The following DPY19L3 variants were observed in gnomAD, a reference collection of about 807,000 sequenced individuals.
DPY19L3 encodes the protein protein C-mannosyl-transferase DPY19L3.
In DPY19L3, 51 loss-of-function variants were observed where a neutral mutation model predicts 92.3. The ratio of observed to expected loss-of-function variants is 0.55; its 90% CI spans 0.44 to 0.70. The LOEUF (loss-of-function observed/expected upper bound fraction) is 0.70, where lower values mean the gene tolerates loss of function less well. DPY19L3 is among the 30% of genes least tolerant of loss of function. DPY19L3 has a pLI of 0.00. For missense variants in DPY19L3, 706 were observed against 855.9 expected (o/e 0.82, Z 2.18); for synonymous variants, 309 against 315.2 (o/e 0.98, Z 0.21).
At chr19:32,412,399 G>A (rs1233025028) in intron 3 of DPY19L3, 1 of 150,404 alleles carries the variant, frequency 6.6e-6, no homozygotes, top group Non-Finnish European at 1.5e-5. Flanking sequence ...TGCACAAACT[G>A]GGTCACAGTA....
In DPY19L3 at chr19:32,417,098, A is replaced by G. The variant is rs139564755; in HGVS notation, c.237+5726A>G. ...TAGAAGTTCCAAGGATTTAGAGGCT[A>G]TCTCCCAGGAACTGGGGACAAAGAG... On this transcript the variant is annotated intron_variant, in intron 3 of 18. Coordinates refer to ENST00000392250, the MANE Select transcript of DPY19L3 (RefSeq NM_001172774.2). 2.5e-3 allele frequency among the ~76,000 whole-genome samples: 375 copies of G among 152,368 alleles called. 5 individuals carry two copies. In the East Asian group the frequency reaches 0.057, roughly 23 times the overall value.
chr19:32,415,651 C>T (rs1968354637), intron 3 of DPY19L3, among the ~76,000 whole-genome samples: 1 of 152,082 alleles, frequency 6.6e-6, no homozygotes, highest in Non-Finnish European at 1.5e-5. Context: ...TTGGGGAGAG[C>T]AAAACTAAAG....
rs745540591 is a variant in DPY19L3 at position 32,436,438 on chromosome 19, A to G, written c.329-8A>G. The G allele has an allele frequency of 3.4e-6, 5 of 1,481,520 alleles. No individual in the cohort carries two copies. The highest frequency in any genetic ancestry group is 4.6e-6 in the Non-Finnish European group (5 of 1,088,216). The allele number at this position is 1,481,520 out of a possible 1,614,324, so 91.8% of individuals were successfully genotyped here. ...TTATTTTCTTCCTGACTTTTCACAT[A>G]TCTATAGGTTTTCATGGCCTAATAT... On this transcript the variant is annotated splice_polypyrimidine_tract_variant and splice_region_variant and intron_variant, in intron 4 of 18. Coordinates refer to ENST00000392250, the MANE Select transcript of DPY19L3 (RefSeq NM_001172774.2).
At chr19:32,460,740 G>A (rs1023780477) in intron 12 of DPY19L3, among the ~76,000 whole-genome samples, 17 of 152,198 alleles carry the variant, frequency 1.1e-4, no homozygotes, top group African/African-American at 3.6e-4. Flanking sequence ...TATGTGGCAC[G>A]TGACTGTCTA....
chr19:32,462,889 C>T (rs901473532), intron 12 of DPY19L3, among the ~76,000 whole-genome samples: 2 of 152,074 alleles, frequency 1.3e-5, no homozygotes, highest in Admixed American at 6.6e-5. Flanking sequence ...TGGTAAAAGT[C>T]ATCTTTTGGA....
intron 3 of DPY19L3, among the ~76,000 whole-genome samples, chr19:32,413,371 C>T (rs1436705301): frequency 6.6e-6 from 1 of 152,034 alleles, no homozygotes; most frequent in Non-Finnish European, 1.5e-5. Flanking sequence ...ATTTTTAAAA[C>T]TTGCTGTGTT....
chr19:32,482,324 T>G lies in DPY19L3; in HGVS notation c.*84T>G, dbSNP rs1473571907. 2.7e-6 allele frequency: 4 copies of G among 1,496,450 alleles called. No individual in the cohort carries two copies. The East Asian group carries it at 6.8e-5, about 25-fold the overall frequency. The allele number at this position is 1,496,450 out of a possible 1,614,324, so 92.7% of individuals were successfully genotyped here. On this transcript the variant is annotated 3_prime_UTR_variant, in exon 19 of 19. Transcript: ENST00000392250. Reference sequence around the variant, plus strand: ...CAATAGATGACGTTTCCTATGTAAGTAGGTAGCCCAAACCTTCAAGCTGTG... The same window carrying G: ...CAATAGATGACGTTTCCTATGTAAGGAGGTAGCCCAAACCTTCAAGCTGTG...
Position 32,484,708 on chromosome 19 carries a change from G to A in DPY19L3, c.*2468G>A, listed in dbSNP as rs1289860230. 1 of 152,188 alleles carries A rather than the reference G, an allele frequency of 6.6e-6. No individual in the cohort carries two copies. Among genetic ancestry groups the A allele is most frequent in the Non-Finnish European group, 1.5e-5 (1 of 68,054 alleles). 9.4% of individuals were successfully genotyped at this position (152,188 alleles called of 1,614,324 possible). A position where few individuals can be genotyped will look rare whatever the true frequency, so the allele number is the denominator to read the frequency against. On this transcript the variant is annotated 3_prime_UTR_variant, in exon 19 of 19. Transcript: ENST00000392250. ...GCGCTCCGGCTCCCTCCCTGGAGTT[G>A]TGCACCCGTCCCAAACTCCTCCATG... is the stretch of plus-strand genomic sequence containing the variant.
intron 16 of DPY19L3, among the ~76,000 whole-genome samples, chr19:32,473,213 T>C (rs1276155070): frequency 6.6e-6 from 1 of 152,252 alleles, no homozygotes; most frequent in Non-Finnish European, 1.5e-5. Context: ...CTGTGAGTCC[T>C]TGTCATTATT....
chr19:32,438,948 AT>A (rs1386075429), intron 6 of DPY19L3, 163 bp from the exon 7 acceptor site: 2 of 473,794 alleles, frequency 4.2e-6, no homozygotes, highest in African/African-American at 4.9e-5. Context: ...TACAGGGATG[AT>A]GATGATGATG....
Position 32,458,440 on chromosome 19 carries a change from T to C in DPY19L3, c.1253T>C (p.Phe418Ser). Residue 418 changes from phenylalanine to serine, a missense_variant, in exon 12 of 19, where the codon TTT (phenylalanine) becomes TCT (serine). Coordinates refer to ENST00000392250, the MANE Select transcript of DPY19L3 (RefSeq NM_001172774.2). ...GGAAGGCTTTCAGATACTCTGCTTT[T>C]TTATGCTTACATATTCGTTCTGTCC... ...TFGRLSDTLL[F>S]YAYIFVLSIT... The C allele has an allele frequency of 1.2e-6, 2 of 1,613,952 alleles. No homozygotes were observed. The highest frequency in any genetic ancestry group is 1.7e-6 in the Non-Finnish European group (2 of 1,180,002).
intron 16 of DPY19L3, among the ~76,000 whole-genome samples, chr19:32,469,967 G>A (rs563412034): frequency 6.6e-6 from 1 of 152,288 alleles, no homozygotes; most frequent in Admixed American, 6.5e-5. Context: ...GATTGTCTGC[G>A]TCCCATGGCT....
intron 3 of DPY19L3, among the ~76,000 whole-genome samples, chr19:32,414,980 A>G (rs974456433): frequency 2.0e-5 from 3 of 152,248 alleles, no homozygotes; most frequent in African/African-American, 7.2e-5. Context: ...TGCAGAGAAC[A>G]TGGAAGGAAT....
Position 32,433,005 on chromosome 19 carries a change from C to T in DPY19L3, c.328+199C>T, listed in dbSNP as rs560070354. ...ACTTTATATAACCCTCCTCTCTTTG[C>T]CTTCCAGCTCTGTTCCATCCCAAAA... On this transcript the variant is annotated intron_variant, in intron 4 of 18. Transcript: ENST00000392250. 2.0e-5 allele frequency among the ~76,000 whole-genome samples: 3 copies of T among 152,282 alleles called. No individual in the cohort carries two copies. The East Asian group carries it at 5.8e-4, about 29-fold the overall frequency.
Position 32,470,107 on chromosome 19 carries a change from T to G in DPY19L3, c.1697+1294T>G, listed in dbSNP as rs193020444. 8.6e-4 allele frequency among the ~76,000 whole-genome samples: 131 copies of G among 152,310 alleles called. 1 individual carries two copies. Among genetic ancestry groups the G allele is most frequent in the Admixed American group, 8.5e-4 (13 of 15,302 alleles). ...GTCTAAAACATACACATGGCTTTGG[T>G]CCTAATGTCGGACTGGGTTTGACTA... On this transcript the variant is annotated intron_variant, in intron 16 of 18. Transcript: ENST00000392250.
chr19:32,459,812 TA>T (rs1404056919), intron 12 of DPY19L3, among the ~76,000 whole-genome samples: 1 of 152,204 alleles, frequency 6.6e-6, no homozygotes, highest in East Asian at 1.9e-4. Context: ...ATTAGGACTT[TA>T]TTAGAGGAAA....
intron 12 of DPY19L3, among the ~76,000 whole-genome samples, chr19:32,459,231 C>T (rs1211893638): frequency 6.6e-6 from 1 of 152,060 alleles, no homozygotes; most frequent in Non-Finnish European, 1.5e-5. Context: ...GAATATCTAC[C>T]CATCAAGCTG....
intron 15 of DPY19L3, among the ~76,000 whole-genome samples, chr19:32,466,749 G>A (rs1568356815): frequency 6.6e-6 from 1 of 152,250 alleles, no homozygotes; most frequent in African/African-American, 2.4e-5. Flanking sequence ...TGTTGGCCTA[G>A]TCTCTCTTGA....
intron 2 of DPY19L3, among the ~76,000 whole-genome samples, chr19:32,408,796 T>C (rs75850183): frequency 7.0e-6 from 1 of 142,982 alleles, no homozygotes; most frequent in African/African-American, 2.6e-5. Flanking sequence ...TTTCTTTTGC[T>C]TTTTTTTTTT....
Sources: gnomAD v4.1 joint callset for allele counts (sites outside exome capture counted in the v4.1 genomes callset) on GRCh38, gnomAD v4.1.1 for gene constraint, MANE v1.5 for transcripts, NCBI Gene and HGNC (gene_info 2026-07-23, HGNC 2026-07-21) for gene names.